The following DTD1 variants were observed in gnomAD, a reference collection of about 807,000 sequenced individuals.
DTD1 encodes D-tyrosyl-tRNA deacylase 1 homolog.
DTD1 carries 13 observed loss-of-function variants against 25.6 expected under a neutral mutation model. The observed-to-expected ratio is 0.51, with a 90% confidence interval of 0.33 to 0.81. The LOEUF (loss-of-function observed/expected upper bound fraction) is 0.81, where lower values mean the gene tolerates loss of function less well. Ranked by LOEUF, DTD1 falls within the 30% of genes least tolerant of loss-of-function variation. The pLI is 0.02. For missense variants in DTD1, 193 were observed against 266.4 expected, an observed-to-expected ratio of 0.72 and a Z score of 1.92; for synonymous variants, 110 against 103.6, an observed-to-expected ratio of 1.06 and a Z score of -0.37.
chr20:18,683,469 T>A (rs1600365731), intron 4 of DTD1, among the ~76,000 whole-genome samples: 1 of 152,324 alleles, frequency 6.6e-6, no homozygotes, highest in East Asian at 1.9e-4. Flanking sequence ...AGCAAGCCAA[T>A]AGTCATTTCT....
At chr20:18,653,570 G>C (rs2060881795) in intron 4 of DTD1, among the ~76,000 whole-genome samples, 1 of 152,218 alleles carries the variant, frequency 6.6e-6, no homozygotes, top group Non-Finnish European at 1.5e-5. Context: ...TATAATTACT[G>C]TGAAAGGTGT....
chr20:18,668,757 C>T (rs1046769850), intron 4 of DTD1, among the ~76,000 whole-genome samples: 2 of 152,146 alleles, frequency 1.3e-5, no homozygotes, highest in African/African-American at 4.8e-5. Flanking sequence ...CTGAACTGCT[C>T]ACTGTTCTTT....
At chr20:18,702,133 G>A (rs1215096710) in intron 4 of DTD1, among the ~76,000 whole-genome samples, 1 of 152,054 alleles carries the variant, frequency 6.6e-6, no homozygotes, top group Non-Finnish European at 1.5e-5. Flanking sequence ...CTTCAAAATG[G>A]TCAAAGATGA....
chr20:18,661,139 T>C (rs1030124331), intron 4 of DTD1, among the ~76,000 whole-genome samples: 1 of 152,212 alleles, frequency 6.6e-6, no homozygotes, highest in East Asian at 1.9e-4. Flanking sequence ...TCTATCTTGA[T>C]CACTGTAGCT....
intron 5 of DTD1, among the ~76,000 whole-genome samples, chr20:18,744,732 G>A (rs1396333985): frequency 6.6e-6 from 1 of 151,804 alleles, no homozygotes; most frequent in Non-Finnish European, 1.5e-5. Context: ...CAGTATGGGG[G>A]AAACTGCCCC....
At chr20:18,595,930 G>C in intron 2 of DTD1, 76 bp from the exon 3 acceptor site, 1 of 1,289,024 alleles carries the variant, frequency 7.8e-7, no homozygotes, top group Non-Finnish European at 1.1e-6. Flanking sequence ...GGAAGCTGGT[G>C]ACATTTTTGG....
At chr20:18,611,748 G>A (rs766882478) in intron 3 of DTD1, among the ~76,000 whole-genome samples, 1 of 152,088 alleles carries the variant, frequency 6.6e-6, no homozygotes, top group African/African-American at 2.4e-5. Context: ...TTTATGGCCC[G>A]CTTGGTAATA....
At chr20:18,648,240 T>A (rs1057295818) in intron 4 of DTD1, among the ~76,000 whole-genome samples, 1 of 152,174 alleles carries the variant, frequency 6.6e-6, no homozygotes, top group East Asian at 1.9e-4. Context: ...TGCTTAGTAC[T>A]TGGTAGCTTT....
At position 18,658,153 on chromosome 20, in the gene DTD1, G is replaced by A. The variant is rs1246173706; in HGVS notation, c.477+29920G>A. Reference sequence around the variant, plus strand: ...CCCCTTTCTGTGTAGGTATCTGGGGGAAGAACATTCTAGGCAGAGGGCATA... The same window carrying A: ...CCCCTTTCTGTGTAGGTATCTGGGGAAAGAACATTCTAGGCAGAGGGCATA... On this transcript the variant is annotated intron_variant, in intron 4 of 5. Coordinates refer to ENST00000377452, the MANE Select transcript of DTD1 (RefSeq NM_080820.6). Among the ~76,000 whole-genome samples, 3 of 151,540 alleles carry A rather than the reference G, an allele frequency of 2.0e-5. No homozygotes were observed. The East Asian group carries it at 5.8e-4, about 29-fold the overall frequency.
chr20:18,703,446 T>C (rs986666540), intron 4 of DTD1, among the ~76,000 whole-genome samples: 4 of 152,138 alleles, frequency 2.6e-5, no homozygotes, highest in African/African-American at 9.7e-5. Context: ...TCTCTTCTTC[T>C]ATTATTGCTA....
At chr20:18,626,571 T>C (rs2060759241) in intron 3 of DTD1, among the ~76,000 whole-genome samples, 1 of 152,214 alleles carries the variant, frequency 6.6e-6, no homozygotes. Flanking sequence ...TTTATAGATA[T>C]GCTTTTGTGT....
At chr20:18,634,118 T>C (rs1333393517) in intron 4 of DTD1, among the ~76,000 whole-genome samples, 1 of 152,234 alleles carries the variant, frequency 6.6e-6, no homozygotes, top group East Asian at 1.9e-4. Context: ...TGCTTATTAT[T>C]ACCTAGTGCA....
At chr20:18,682,405 ATTG>A (rs1472510659) in intron 4 of DTD1, among the ~76,000 whole-genome samples, 3 of 152,164 alleles carry the variant, frequency 2.0e-5, no homozygotes, top group Non-Finnish European at 4.4e-5. Flanking sequence ...CACAGTATCT[ATTG>A]TTTTAATCCA....
chr20:18,611,275 C>T (rs924756047), intron 3 of DTD1: 3 of 152,202 alleles, frequency 2.0e-5, no homozygotes, highest in Non-Finnish European at 1.5e-5. Flanking sequence ...GTCTCTTTTA[C>T]AGCCTCCAAT....
chr20:18,621,898 A>C (rs550700950), intron 3 of DTD1, among the ~76,000 whole-genome samples: 4 of 152,190 alleles, frequency 2.6e-5, no homozygotes, highest in African/African-American at 9.6e-5. Flanking sequence ...CCCTGTCTCT[A>C]CTAAAAATAC....
chr20:18,706,789 G>A (rs1334190917), intron 4 of DTD1, among the ~76,000 whole-genome samples: 1 of 152,128 alleles, frequency 6.6e-6, no homozygotes, highest in Non-Finnish European at 1.5e-5. Flanking sequence ...AGTGTAACTC[G>A]GTGCTCAGTA....
intron 4 of DTD1, among the ~76,000 whole-genome samples, chr20:18,714,012 G>A (rs2061170190): frequency 6.6e-6 from 1 of 152,128 alleles, no homozygotes; most frequent in Non-Finnish European, 1.5e-5. Context: ...ACCGTCTCCT[G>A]GAGATGTGAC....
At chr20:18,741,097 A>AG (rs2061276117) in intron 4 of DTD1, among the ~76,000 whole-genome samples, 6 of 152,246 alleles carry the variant, frequency 3.9e-5, no homozygotes, top group Non-Finnish European at 8.8e-5. Context: ...TTACCAGGCC[A>AG]TGGCGAAACA....
intron 4 of DTD1, among the ~76,000 whole-genome samples, chr20:18,638,831 T>A (rs923495742): frequency 7.9e-5 from 12 of 152,116 alleles, no homozygotes; most frequent in Non-Finnish European, 1.6e-4. Flanking sequence ...AGAGAGGGCA[T>A]TTAGGAGCTG....
Sources: allele counts gnomAD v4.1 joint callset (sites outside exome capture counted in the v4.1 genomes callset), GRCh38; gene constraint gnomAD v4.1.1; transcripts MANE v1.5; gene names NCBI Gene and HGNC (gene_info 2026-07-23, HGNC 2026-07-21).